PCBP3: variants seen among roughly 807,000 people sequenced by gnomAD.
PCBP3 encodes the protein poly(rC)-binding protein 3.
PCBP3 carries 25 observed loss-of-function variants against 52.7 expected under a neutral mutation model. The observed-to-expected ratio is 0.47, with a 90% CI of 0.35 to 0.66. PCBP3 has a LOEUF of 0.66. Ranked by LOEUF, PCBP3 falls within the 30% of genes least tolerant of loss-of-function variation. The probability of loss-of-function intolerance (pLI) is 0.01; values close to 1 mark genes in which losing one functional copy is unlikely to be tolerated. For missense variants in PCBP3, 391 were observed against 490.3 expected, an observed-to-expected ratio of 0.80 and a Z score of 1.91; for synonymous variants, 162 against 183.0, an observed-to-expected ratio of 0.89 and a Z score of 0.93.
Position 45,817,456 on chromosome 21 carries a change from T to G in PCBP3, c.-125-32505T>G, listed in dbSNP as rs1278799612. On this transcript the variant is annotated intron_variant, in intron 4 of 17. Coordinates refer to ENST00000681687, the MANE Select transcript of PCBP3 (RefSeq NM_001384156.1). The surrounding 1 kb of genome is among the most constrained non-coding windows in gnomAD (Gnocchi z 4.3). Reference sequence around the variant, plus strand: ...GTATTTGGCCAACATCTTCCTGCAGTTTGGGGGCCCCGTCTCCTCTTAGCT... The same window carrying G: ...GTATTTGGCCAACATCTTCCTGCAGGTTGGGGGCCCCGTCTCCTCTTAGCT... 6.6e-6 allele frequency among the ~76,000 whole-genome samples: 1 copy of G among 152,180 alleles called. No individual in the cohort carries two copies. The highest frequency in any genetic ancestry group is 1.5e-5 in the Non-Finnish European group (1 of 68,028).
chr21:45,891,176 C>G (rs967422441), intron 5 of PCBP3, among the ~76,000 whole-genome samples: 30 of 129,748 alleles, frequency 2.3e-4, no homozygotes, highest in Admixed American at 8.6e-4. Context: ...GTGGAACCGC[C>G]GTGCCGCAGT....
Position 45,800,339 on chromosome 21 carries a change from G to A in PCBP3, c.-126+44887G>A, listed in dbSNP as rs1406467716. Among the ~76,000 whole-genome samples the A allele has an allele frequency of 2.6e-5, 4 of 152,164 alleles. No homozygotes were observed. The highest frequency in any genetic ancestry group is 4.4e-5 in the Non-Finnish European group (3 of 68,022). ...GCAGGATGTGGGAGCAAGCCTGTGC[G>A]CCCTGAGCCAGGCCTTCTGTGAAGT... On this transcript the variant is annotated intron_variant, in intron 4 of 17. Coordinates refer to ENST00000681687, the MANE Select transcript of PCBP3 (RefSeq NM_001384156.1). The surrounding 1 kb of genome is among the most constrained non-coding windows in gnomAD (Gnocchi z 5.3).
chr21:45,649,142 A>T (rs577357974), intron 1 of PCBP3, among the ~76,000 whole-genome samples: 2 of 152,344 alleles, frequency 1.3e-5, no homozygotes, highest in African/African-American at 4.8e-5. Flanking sequence ...CCTCACAATG[A>T]TGGCGGAAGT....
chr21:45,646,982 T>C (rs1168970767), intron 1 of PCBP3, among the ~76,000 whole-genome samples: 1 of 152,212 alleles, frequency 6.6e-6, no homozygotes, highest in East Asian at 1.9e-4. Flanking sequence ...GACATCTTTG[T>C]AAATCATTTT....
chr21:45,781,666 C>G (rs1412153788), intron 4 of PCBP3, among the ~76,000 whole-genome samples: 2 of 152,148 alleles, frequency 1.3e-5, no homozygotes, highest in African/African-American at 4.8e-5. Context: ...TTCCATACAC[C>G]TTTGAACAGG....
chr21:45,884,216 G>A (rs1041071553), intron 5 of PCBP3, among the ~76,000 whole-genome samples: 15 of 152,100 alleles, frequency 9.9e-5, no homozygotes, highest in Non-Finnish European at 5.9e-5. Context: ...GATTACAGGC[G>A]TGAGCCATCG....
intron 5 of PCBP3, among the ~76,000 whole-genome samples, chr21:45,885,163 T>G (rs2148836116): frequency 6.6e-6 from 1 of 152,322 alleles, no homozygotes; most frequent in South Asian, 2.1e-4. Flanking sequence ...TTTCACTGGA[T>G]ATATCATTCC....
intron 4 of PCBP3, among the ~76,000 whole-genome samples, chr21:45,794,973 A>G (rs1173819162): frequency 1.3e-5 from 2 of 152,022 alleles, no homozygotes; most frequent in African/African-American, 4.8e-5. Context: ...TGTTAATGGG[A>G]AGGGCACTGA....
intron 1 of PCBP3, among the ~76,000 whole-genome samples, chr21:45,649,897 C>T (rs1344399759): frequency 6.6e-6 from 1 of 151,802 alleles, no homozygotes; most frequent in Non-Finnish European, 1.5e-5. Context: ...TGAATTTTCT[C>T]AAATGGTTTT....
At position 45,868,270 on chromosome 21, in the gene PCBP3, G is replaced by T. The variant is rs572803797; in HGVS notation, c.10+18175G>T. Among the ~76,000 whole-genome samples the T allele has an allele frequency of 2.0e-3, 310 of 152,348 alleles. 2 individuals carry two copies. The highest frequency in any genetic ancestry group is 7.2e-3 in the African/African-American group (298 of 41,586). On this transcript the variant is annotated intron_variant, in intron 5 of 17. Coordinates refer to ENST00000681687, the MANE Select transcript of PCBP3 (RefSeq NM_001384156.1). ...CCCGGTGTGGGTGCCCAGGGTTGCA[G>T]GGTGGCTTCCTCTGTCTGCGCGGTT...
intron 2 of PCBP3, among the ~76,000 whole-genome samples, chr21:45,714,932 G>A (rs1045419040): frequency 1.3e-5 from 2 of 152,124 alleles, no homozygotes; most frequent in Admixed American, 6.5e-5. Flanking sequence ...CATGGATATG[G>A]GCCTATGGTG....
chr21:45,850,689 A>G (rs1405210607), intron 5 of PCBP3, among the ~76,000 whole-genome samples: 1 of 152,234 alleles, frequency 6.6e-6, no homozygotes, highest in Non-Finnish European at 1.5e-5. Flanking sequence ...TAAGCAATAT[A>G]ATAAATAAGT....
chr21:45,738,985 G>T (rs1296885749), intron 3 of PCBP3, among the ~76,000 whole-genome samples: 1 of 61,626 alleles, frequency 1.6e-5, no homozygotes, highest in Non-Finnish European at 2.9e-5. Flanking sequence ...CCCATCTTCA[G>T]CCCACCCCTT....
At chr21:45,835,270 C>G (rs1010676129) in intron 4 of PCBP3, among the ~76,000 whole-genome samples, 2 of 152,108 alleles carry the variant, frequency 1.3e-5, no homozygotes, top group Non-Finnish European at 2.9e-5. Context: ...CTTCATGCCC[C>G]GGGACCTGCC....
At chr21:45,799,453 C>T (rs1416613208) in intron 4 of PCBP3, among the ~76,000 whole-genome samples, 1 of 152,104 alleles carries the variant, frequency 6.6e-6, no homozygotes, top group Non-Finnish European at 1.5e-5. Flanking sequence ...GTTAATCTTC[C>T]TCTGTACCTA....
rs1275763912 is a variant in PCBP3, at chr21:45,694,930, G to GT, written c.-200+25986dup. Among the ~76,000 whole-genome samples the GT allele has an allele frequency of 2.0e-5, 3 of 151,992 alleles. No homozygotes were observed. In the South Asian group the frequency reaches 6.2e-4, roughly 32 times the overall value. On this transcript the variant is annotated intron_variant, in intron 2 of 17. Transcript: ENST00000681687. Reference sequence around the variant, plus strand: ...ACCACGATCGAAATTTCAGCAATTTGTTTTTTTTAGGTGTAAATCAGCATG... The same window carrying GT: ...ACCACGATCGAAATTTCAGCAATTTGTTTTTTTTTAGGTGTAAATCAGCATG...
chr21:45,748,792 T>C (rs998123973), intron 3 of PCBP3, among the ~76,000 whole-genome samples: 3 of 152,222 alleles, frequency 2.0e-5, no homozygotes, highest in Non-Finnish European at 2.9e-5. Flanking sequence ...AAGAGAAGTG[T>C]CCGGTAGGAA....
chr21:45,756,712 A>G (rs183445934), intron 4 of PCBP3, among the ~76,000 whole-genome samples: 3 of 152,122 alleles, frequency 2.0e-5, no homozygotes, highest in South Asian at 2.1e-4. Flanking sequence ...TTCTGTTCCT[A>G]TGGATTTGCC....
intron 4 of PCBP3, among the ~76,000 whole-genome samples, chr21:45,792,710 G>A (rs773113497): frequency 2.0e-5 from 3 of 152,242 alleles, no homozygotes. Flanking sequence ...CATCACCACA[G>A]AAGACATGCA....
Sources: gnomAD v4.1 joint callset for allele counts (sites outside exome capture counted in the v4.1 genomes callset) on GRCh38, gnomAD v4.1.1 for gene constraint, Gnocchi (gnomAD v3.1) non-coding constraint, MANE v1.5 for transcripts, NCBI Gene and HGNC (gene_info 2026-07-23, HGNC 2026-07-21) for gene names.